Variants in PCDHA3 observed in about 807,000 individuals in gnomAD.
The protein encoded by PCDHA3 is protocadherin alpha-3.
Under a neutral mutation model 62.2 loss-of-function variants are expected in PCDHA3, and 41 were observed. That is an observed-to-expected ratio of 0.66 (90% confidence interval 0.51 to 0.86). PCDHA3 has a LOEUF of 0.86. Among genes scored for constraint, PCDHA3 ranks in the 40% least tolerant of loss-of-function variants. The probability of loss-of-function intolerance (pLI) is 0.00; values close to 1 mark genes in which losing one functional copy is unlikely to be tolerated. For missense variants in PCDHA3, 1,304 were observed against 1,241.2 expected, an observed-to-expected ratio of 1.05 and a Z score of -0.76; for synonymous variants, 640 against 555.4, an observed-to-expected ratio of 1.15 and a Z score of -2.14.
At chr5:140,975,847 C>T (rs895067113) in intron 1 of PCDHA3, among the ~76,000 whole-genome samples, 1 of 152,100 alleles carries the variant, frequency 6.6e-6, no homozygotes, top group East Asian at 1.9e-4. Flanking sequence ...TTCAGTAATA[C>T]TACATCACCC....
At chr5:140,871,352 C>CT in intron 1 of PCDHA3, 1 of 1,614,210 alleles carries the variant, frequency 6.2e-7, no homozygotes, top group South Asian at 1.1e-5. Flanking sequence ...TGGTCATACT[C>CT]GCAGCAGAGG....
chr5:140,801,956 A>C lies in PCDHA3; in HGVS notation c.759A>C (p.Glu253Asp). The C allele has an allele frequency of 1.2e-6, 2 of 1,614,204 alleles. No homozygotes were observed. Among genetic ancestry groups the C allele is most frequent in the Non-Finnish European group, 1.7e-6 (2 of 1,180,044 alleles). The change falls in exon 1 of 4, where the codon GAA (glutamate) becomes GAC (aspartate). Residue 253 changes from glutamate (E) to aspartate (D), a missense_variant. Coordinates refer to ENST00000522353, the MANE Select transcript of PCDHA3 (RefSeq NM_018906.3). ...CGATCTATAAAGTCAGATTACTCGA[A>C]AATGCACCAAATGGTACCCTAGTGG... ...ERTIYKVRLL[E>D]NAPNGTLVVT...
intron 1 of PCDHA3, among the ~76,000 whole-genome samples, chr5:140,958,824 A>G (rs1008923744): frequency 5.9e-5 from 9 of 152,158 alleles, no homozygotes; most frequent in Admixed American, 5.9e-4. Context: ...TAATTTTTAT[A>G]TCTTAAAGTT....
chr5:140,908,763 G>A (rs1159029668), intron 1 of PCDHA3, among the ~76,000 whole-genome samples: 5 of 152,284 alleles, frequency 3.3e-5, no homozygotes, highest in East Asian at 3.9e-4. Context: ...CAGCCTGGAC[G>A]TGTTGTAGAG....
At chr5:140,956,953 C>T (rs1347983778) in intron 1 of PCDHA3, among the ~76,000 whole-genome samples, 1 of 135,202 alleles carries the variant, frequency 7.4e-6, no homozygotes, top group Non-Finnish European at 1.7e-5. Flanking sequence ...CATTAAAACA[C>T]TGTAATTAAT....
At chr5:140,929,316 C>G in intron 1 of PCDHA3, 1 of 1,556,954 alleles carries the variant, frequency 6.4e-7, no homozygotes, top group Non-Finnish European at 8.7e-7. Flanking sequence ...ACGCTAATGT[C>G]AATGCCATGG....
intron 1 of PCDHA3, chr5:140,927,498 G>A (rs782816586): frequency 3.1e-6 from 5 of 1,614,138 alleles, no homozygotes; most frequent in Middle Eastern, 1.6e-4. Context: ...ACCTGCTGGT[G>A]CTTACAGCTC....
intron 1 of PCDHA3, chr5:140,877,904 A>G (rs1421896402): frequency 7.0e-7 from 1 of 1,436,098 alleles, no homozygotes; most frequent in East Asian, 2.5e-5. Context: ...GGTTATAACT[A>G]CATTCTCTCA....
intron 1 of PCDHA3, among the ~76,000 whole-genome samples, chr5:140,975,119 A>C (rs2096654213): frequency 6.6e-6 from 1 of 152,038 alleles, no homozygotes; most frequent in African/African-American, 2.4e-5. Context: ...CTGTTTTCCT[A>C]CTTACTATTG....
At chr5:140,819,168 A>T (rs1217280072) in intron 1 of PCDHA3, among the ~76,000 whole-genome samples, 1 of 152,214 alleles carries the variant, frequency 6.6e-6, no homozygotes, top group African/African-American at 2.4e-5. Context: ...TTAATTTTTG[A>T]AGAATCAAAT....
chr5:140,917,106 TC>T (rs1554197830), intron 1 of PCDHA3, among the ~76,000 whole-genome samples: 1 of 152,094 alleles, frequency 6.6e-6, no homozygotes, highest in African/African-American at 2.4e-5. Context: ...GTGCTTTACT[TC>T]CTCCAAGTGC....
chr5:140,917,724 G>C (rs2078325058), intron 1 of PCDHA3, among the ~76,000 whole-genome samples: 1 of 152,080 alleles, frequency 6.6e-6, no homozygotes, highest in East Asian at 1.9e-4. Flanking sequence ...CTTTATTTCT[G>C]GGTTCTCTAA....
chr5:140,923,343 T>C (rs1251719779), intron 1 of PCDHA3, among the ~76,000 whole-genome samples: 1 of 152,122 alleles, frequency 6.6e-6, no homozygotes, highest in African/African-American at 2.4e-5. Flanking sequence ...TTGGGCAACA[T>C]AGTGGGACCC....
intron 1 of PCDHA3, chr5:140,804,830 T>G: frequency 2.5e-6 from 1 of 404,652 alleles, no homozygotes; most frequent in Non-Finnish European, 4.4e-6. Context: ...TGGTTAATAC[T>G]CATTGACAGT....
intron 1 of PCDHA3, among the ~76,000 whole-genome samples, chr5:140,942,026 A>G (rs1394001505): frequency 6.6e-6 from 1 of 152,194 alleles, no homozygotes; most frequent in Non-Finnish European, 1.5e-5. Flanking sequence ...GGAAAAAATA[A>G]TTCATAAACC....
chr5:140,935,172 A>G (rs1278781509), intron 1 of PCDHA3, among the ~76,000 whole-genome samples: 34 of 152,164 alleles, frequency 2.2e-4, no homozygotes, highest in Admixed American at 2.1e-3. Context: ...AGGTGTGCTT[A>G]TTGCTGCTGG....
chr5:140,870,427 G>A, intron 1 of PCDHA3: 1 of 1,614,220 alleles, frequency 6.2e-7, no homozygotes, highest in Non-Finnish European at 8.5e-7. Flanking sequence ...CAGGGTATCC[G>A]TGGAGGTGGC....
chr5:140,858,272 G>C, intron 1 of PCDHA3: 1 of 1,597,346 alleles, frequency 6.3e-7, no homozygotes, highest in Non-Finnish European at 8.6e-7. Flanking sequence ...GTGCTCTAGC[G>C]CGGTGGGGAG....
At chr5:140,859,820 A>T (rs571266771) in intron 1 of PCDHA3, 10 of 152,434 alleles carry the variant, frequency 6.6e-5, no homozygotes, top group African/African-American at 2.2e-4. Context: ...TGCAGAGTTT[A>T]GAAGTGTATT....
Sources: gnomAD v4.1 joint callset for allele counts (sites outside exome capture counted in the v4.1 genomes callset) on GRCh38, gnomAD v4.1.1 for gene constraint, MANE v1.5 for transcripts, NCBI Gene and HGNC (gene_info 2026-07-23, HGNC 2026-07-21) for gene names.